ADCY2: variants seen among roughly 807,000 people sequenced by gnomAD.
The protein encoded by ADCY2 is adenylate cyclase type 2.
ADCY2 carries 31 observed loss-of-function variants against 125.2 expected under a neutral mutation model. The observed-to-expected ratio is 0.25, with a 90% CI of 0.19 to 0.33. The LOEUF is 0.33. ADCY2 is among the 10% of genes least tolerant of loss of function. ADCY2 has a pLI of 1.00. For missense variants in ADCY2, 904 were observed against 1,418.2 expected (o/e 0.64, Z 5.82); for synonymous variants, 512 against 548.4 (o/e 0.93, Z 0.93).
rs377677457 is a variant in ADCY2, at chr5:7,626,276, T to C, written c.680T>C (p.Ile227Thr). Residue 227 changes from isoleucine to threonine, a missense_variant, in exon 4 of 25, where the codon ATC (isoleucine) becomes ACC (threonine). By Grantham distance (89) the Ile-to-Thr change is moderately conservative (BLOSUM62 -1). Coordinates refer to ENST00000338316, the MANE Select transcript of ADCY2 (RefSeq NM_020546.3). ...ACATATCAGGACACCTGTAATTGCA[T>C]CAAGTCGCGGATCAAGTTGGAATTT... ...QQTYQDTCNC[I>T]KSRIKLEFEK... 6.2e-7 allele frequency: 1 copy of C among 1,614,112 alleles called. No homozygotes were observed. The highest frequency in any genetic ancestry group is 8.5e-7 in the Non-Finnish European group (1 of 1,179,976).
chr5:7,802,329 C>A lies in ADCY2; in HGVS notation c.2740C>A (p.Arg914=), dbSNP rs764065265. Residue 914 remains arginine (R), a synonymous_variant, in exon 21 of 25, where the codon CGG becomes AGG. Coordinates refer to ENST00000338316, the MANE Select transcript of ADCY2 (RefSeq NM_020546.3). The surrounding 1 kb of genome is among the most constrained non-coding windows in gnomAD (Gnocchi z 4.6). ...GAACAAGGAGGGCTTGGAATGCCTTCGGCTCCTGAACGAGATCATCGCTGA... is the reference window on the plus strand; with the variant it reads ...GAACAAGGAGGGCTTGGAATGCCTTAGGCTCCTGAACGAGATCATCGCTGA... The part of the protein sequence containing the change: ...DVNKEGLECL[R]LLNEIIADFD... The A allele has an allele frequency of 6.2e-7, 1 of 1,614,158 alleles. No homozygotes were observed.
chr5:7,733,259 G>A (rs932582962), intron 14 of ADCY2, among the ~76,000 whole-genome samples: 1 of 152,140 alleles, frequency 6.6e-6, no homozygotes, highest in Admixed American at 6.5e-5. Flanking sequence ...TTTCTACTCA[G>A]ATCTCTAGTA....
chr5:7,497,783 G>A (rs147584154), intron 2 of ADCY2, among the ~76,000 whole-genome samples: 209 of 152,250 alleles, frequency 1.4e-3, no homozygotes, highest in African/African-American at 4.2e-3. Context: ...GTGAAATAAT[G>A]TATTTAATTT....
chr5:7,501,159 C>A (rs1380832753), intron 2 of ADCY2, among the ~76,000 whole-genome samples: 1 of 144,156 alleles, frequency 6.9e-6, no homozygotes, highest in Admixed American at 6.9e-5. Context: ...TCTACATTTT[C>A]TTCCTTCATT....
rs184424660 is a variant in ADCY2 at position 7,803,660 on chromosome 5, T to C, written c.2776-925T>C. Among the ~76,000 whole-genome samples the C allele has an allele frequency of 3.1e-3, 467 of 152,180 alleles. 5 individuals are homozygous for C. The highest frequency in any genetic ancestry group is 0.011 in the African/African-American group (441 of 41,524). ...GTGCCTGTCATCCTAGCACTTTAGG[T>C]GGCCAAGGTGGGAGGATCGCTTGAG... On this transcript the variant is annotated intron_variant, in intron 21 of 24. Transcript: ENST00000338316.
At chr5:7,746,300 T>A (rs1454547718) in intron 15 of ADCY2, 1 of 152,350 alleles carries the variant, frequency 6.6e-6, no homozygotes, top group Non-Finnish European at 1.5e-5. Flanking sequence ...ATAAGATCCG[T>A]GAATGAGGCT....
intron 3 of ADCY2, among the ~76,000 whole-genome samples, chr5:7,526,961 TA>T (rs11307405): frequency 0.83 from 125,766 of 152,190 alleles, 55,190 homozygotes; most frequent in Non-Finnish European, 0.97. Context: ...AAGCCCTTAG[TA>T]AATTCATGAT....
chr5:7,793,084 C>T (rs1221678411), intron 20 of ADCY2, among the ~76,000 whole-genome samples: 1 of 152,198 alleles, frequency 6.6e-6, no homozygotes, highest in African/African-American at 2.4e-5. Flanking sequence ...CTGCACAACC[C>T]TCTGGTGCTC....
intron 23 of ADCY2, 64 bp downstream of exon 23, chr5:7,817,044 A>T: frequency 8.1e-7 from 1 of 1,229,086 alleles, no homozygotes; most frequent in Non-Finnish European, 1.2e-6. Flanking sequence ...GGAGTAAGTC[A>T]GGAGATATTG....
At chr5:7,432,746 T>C (rs1740650412) in intron 2 of ADCY2, among the ~76,000 whole-genome samples, 1 of 152,248 alleles carries the variant, frequency 6.6e-6, no homozygotes, top group Non-Finnish European at 1.5e-5. Flanking sequence ...AGTCAAAAGC[T>C]GATTGTACAC....
chr5:7,581,869 A>G (rs1736449973), intron 3 of ADCY2, among the ~76,000 whole-genome samples: 1 of 152,016 alleles, frequency 6.6e-6, no homozygotes, highest in Admixed American at 6.6e-5. Flanking sequence ...AAAAAGAGGA[A>G]TGTAAAACAT....
At chr5:7,556,438 T>C (rs1735508213) in intron 3 of ADCY2, among the ~76,000 whole-genome samples, 1 of 152,232 alleles carries the variant, frequency 6.6e-6, no homozygotes, top group African/African-American at 2.4e-5. Context: ...GAGTTCTTAC[T>C]AGGTATGTAT....
chr5:7,787,509 A>G (rs1744118331), intron 19 of ADCY2, among the ~76,000 whole-genome samples: 1 of 152,222 alleles, frequency 6.6e-6, no homozygotes. Context: ...TTATTATTCA[A>G]TGCATTCCAT....
chr5:7,539,904 T>TCACCCC (rs1159169327), intron 3 of ADCY2, among the ~76,000 whole-genome samples: 2 of 152,228 alleles, frequency 1.3e-5, no homozygotes, highest in African/African-American at 2.4e-5. Context: ...GAATAATTTA[T>TCACCCC]CACCCCACAA....
intron 2 of ADCY2, among the ~76,000 whole-genome samples, chr5:7,422,890 T>C (rs1044586344): frequency 1.3e-5 from 2 of 152,206 alleles, no homozygotes; most frequent in African/African-American, 2.4e-5. Context: ...GCTTTTCCTC[T>C]AGTGCAGTCA....
intron 3 of ADCY2, among the ~76,000 whole-genome samples, chr5:7,602,340 T>C (rs1454683659): frequency 6.6e-6 from 1 of 152,194 alleles, no homozygotes. Context: ...AACCATATAA[T>C]AGCTCCCTGA....
intron 3 of ADCY2, among the ~76,000 whole-genome samples, chr5:7,610,794 T>A (rs1737550840): frequency 6.6e-6 from 1 of 152,224 alleles, no homozygotes; most frequent in South Asian, 2.1e-4. Context: ...TCCAGGCCTG[T>A]GTGGTTTTCT....
At position 7,396,249 on chromosome 5, in the gene ADCY2, C is replaced by G; in HGVS notation, c.-48C>G. 1.0e-6 allele frequency: 1 copy of G among 978,694 alleles called. No homozygotes were observed. Among genetic ancestry groups the G allele is most frequent in the African/African-American group, 1.8e-5 (1 of 55,862 alleles). 60.6% of individuals were successfully genotyped at this position (978,694 alleles called of 1,614,324 possible). Reference sequence around the variant, plus strand: ...GGACGCGGGCGGCCGCGGCGAGCGGCGCTGCCCGGGCCGGGCGCGCACGGC... The same window carrying G: ...GGACGCGGGCGGCCGCGGCGAGCGGGGCTGCCCGGGCCGGGCGCGCACGGC... On this transcript the variant is annotated 5_prime_UTR_variant, in exon 1 of 25. Coordinates refer to ENST00000338316, the MANE Select transcript of ADCY2 (RefSeq NM_020546.3). The surrounding 1 kb of genome is among the most constrained non-coding windows in gnomAD (Gnocchi z 5.7).
At chr5:7,791,680 G>A (rs1015505852) in intron 20 of ADCY2, among the ~76,000 whole-genome samples, 3 of 152,090 alleles carry the variant, frequency 2.0e-5, no homozygotes, top group African/African-American at 7.2e-5. Context: ...CTCTGTTCTC[G>A]TTAACAGGAG....
Sources: allele counts gnomAD v4.1 joint callset (sites outside exome capture counted in the v4.1 genomes callset), GRCh38; gene constraint gnomAD v4.1.1; non-coding constraint Gnocchi (gnomAD v3.1); transcripts MANE v1.5; gene names NCBI Gene and HGNC (gene_info 2026-07-23, HGNC 2026-07-21).